Variants in NTRK3 observed in about 807,000 individuals in gnomAD.
The protein encoded by NTRK3 is NT-3 growth factor receptor.
NTRK3 carries 24 observed loss-of-function variants against 91.7 expected under a neutral mutation model. The ratio of observed to expected loss-of-function variants is 0.26; its 90% CI spans 0.19 to 0.37. The LOEUF is 0.37. Among genes scored for constraint, NTRK3 ranks in the 10% least tolerant of loss-of-function variants. The pLI is 1.00. For synonymous variants in NTRK3, 483 were observed against 404.0 expected (o/e 1.20, Z -2.34); for missense variants, 880 against 1,068.9 (o/e 0.82, Z 2.46).
chr15:87,959,500 T>A (rs1291249236), intron 14 of NTRK3, among the ~76,000 whole-genome samples: 1 of 152,226 alleles, frequency 6.6e-6, no homozygotes, highest in East Asian at 1.9e-4. Flanking sequence ...GTGCTAGTTA[T>A]TAAATCAGGG....
At chr15:88,004,067 T>C (rs867712889) in intron 14 of NTRK3, among the ~76,000 whole-genome samples, 2 of 152,184 alleles carry the variant, frequency 1.3e-5, no homozygotes, top group African/African-American at 2.4e-5. Context: ...TTCTGTTTGC[T>C]GTGCCTCTGA....
At chr15:88,231,782 C>A (rs1170285528) in intron 3 of NTRK3, among the ~76,000 whole-genome samples, 21 of 152,154 alleles carry the variant, frequency 1.4e-4, no homozygotes, top group Admixed American at 1.4e-3. Flanking sequence ...ATCCACCTTA[C>A]TATAGAATCA....
rs60213599 is a variant in NTRK3 at position 88,149,206 on chromosome 15, T to C, written c.396-1803A>G. Among the ~76,000 whole-genome samples the C allele has an allele frequency of 6.9e-3, 1,046 of 152,276 alleles. 53 individuals carry two copies. The East Asian group carries it at 0.13, about 20-fold the overall frequency. The stretch of plus-strand genomic sequence containing the variant: ...AAAGGGACATGGCTTTCCCTTCTCA[T>C]TGGACGCAGCCCTCTTTGGTGCAGT... On this transcript the variant is annotated intron_variant, in intron 5 of 18. Coordinates refer to ENST00000394480, the Ensembl canonical transcript of NTRK3.
chr15:88,046,765 T>C (rs2080241575), intron 13 of NTRK3, among the ~76,000 whole-genome samples: 1 of 152,180 alleles, frequency 6.6e-6, no homozygotes, highest in Admixed American at 6.5e-5. Context: ...TCTATTAATC[T>C]CTTGGCTCAC....
chr15:88,035,074 A>T (rs1440209030), intron 13 of NTRK3, among the ~76,000 whole-genome samples: 1 of 152,246 alleles, frequency 6.6e-6, no homozygotes, highest in East Asian at 1.9e-4. Context: ...AAGAGAAAAT[A>T]AGATAGTTCA....
chr15:87,926,436 T>TA (rs1567115059), intron 17 of NTRK3, among the ~76,000 whole-genome samples: 4 of 152,200 alleles, frequency 2.6e-5, no homozygotes, highest in African/African-American at 9.7e-5. Flanking sequence ...ACCAAAAACA[T>TA]ACATTTCGAG....
chr15:87,899,936 G>C (rs368633194), intron 17 of NTRK3, among the ~76,000 whole-genome samples: 76 of 152,266 alleles, frequency 5.0e-4, no homozygotes, highest in African/African-American at 1.8e-3. Context: ...AAGCTTTCTT[G>C]GGAGTTGAAT....
At chr15:87,918,514 T>C (rs1190924064) in intron 17 of NTRK3, among the ~76,000 whole-genome samples, 2 of 152,194 alleles carry the variant, frequency 1.3e-5, no homozygotes, top group African/African-American at 4.8e-5. Context: ...CTGATGGAGA[T>C]ATCTTCCTAA....
intron 17 of NTRK3, among the ~76,000 whole-genome samples, chr15:87,890,952 G>A (rs935434384): frequency 2.6e-5 from 4 of 152,046 alleles, no homozygotes; most frequent in Non-Finnish European, 5.9e-5. Flanking sequence ...TTTCTTAAGA[G>A]AAAAAATATC....
chr15:87,915,844 T>C (rs1344216212), intron 17 of NTRK3, among the ~76,000 whole-genome samples: 2 of 152,118 alleles, frequency 1.3e-5, no homozygotes, highest in Non-Finnish European at 2.9e-5. Flanking sequence ...AGATGAGGAA[T>C]CTAAGTCTTA....
chr15:88,150,914 G>C (rs1470138425), intron 5 of NTRK3, among the ~76,000 whole-genome samples: 1 of 152,084 alleles, frequency 6.6e-6, no homozygotes, highest in Non-Finnish European at 1.5e-5. Flanking sequence ...GGAACTCATT[G>C]CCCCTGATTT....
At position 88,241,422 on chromosome 15, in the gene NTRK3, T is replaced by C. The variant is rs770318792; in HGVS notation, c.248+14484A>G. ...GGGCGCAGGGAAGAGCAACCAATCA[T>C]TTCCAGGGAGACAGAACATGACCCC... On this transcript the variant is annotated intron_variant, in intron 3 of 18. Coordinates refer to ENST00000394480, the Ensembl canonical transcript of NTRK3. The surrounding 1 kb of genome is among the most constrained non-coding windows in gnomAD (Gnocchi z 4.3). 1.3e-5 allele frequency among the ~76,000 whole-genome samples: 2 copies of C among 152,208 alleles called. No homozygotes were observed. Among genetic ancestry groups the C allele is most frequent in the Non-Finnish European group, 2.9e-5 (2 of 67,996 alleles).
chr15:88,256,604 C>T (rs1326035224), intron 1 of NTRK3, 40 bp downstream of exon 1: 3 of 475,092 alleles, frequency 6.3e-6, no homozygotes, highest in Admixed American at 4.1e-5. Context: ...ACACCACGCA[C>T]CTGCAAAACA....
chr15:88,199,913 T>C (rs2048157785), intron 3 of NTRK3, among the ~76,000 whole-genome samples: 1 of 152,080 alleles, frequency 6.6e-6, no homozygotes, highest in South Asian at 2.1e-4. Context: ...AGAAAGGAAG[T>C]GGTGCTGGTG....
chr15:87,959,799 G>A (rs981653646), intron 14 of NTRK3, among the ~76,000 whole-genome samples: 1 of 152,194 alleles, frequency 6.6e-6, no homozygotes, highest in African/African-American at 2.4e-5. Flanking sequence ...TGTAGGCTCT[G>A]TGACTCTCTT....
chr15:88,056,204 T>TATATATATATATATATATATA (rs377120482), intron 13 of NTRK3, among the ~76,000 whole-genome samples: 6 of 95,230 alleles, frequency 6.3e-5, no homozygotes, highest in African/African-American at 2.2e-4. Flanking sequence ...ATATATATAT[T>TATATATATATATATATATATA]TTTTTTTTAA....
rs1221714855 is a variant in NTRK3 at position 88,203,786 on chromosome 15, T to G, written c.249-19487A>C. Reference sequence around the variant, plus strand: ...GATCTTTACACATTATACGAATGTATTAGATTATCACATGTACCCCAAAAT... The same window carrying G: ...GATCTTTACACATTATACGAATGTAGTAGATTATCACATGTACCCCAAAAT... On this transcript the variant is annotated intron_variant, in intron 3 of 18. Transcript: ENST00000394480. Among the ~76,000 whole-genome samples, 13 of 152,352 alleles carry G rather than the reference T, an allele frequency of 8.5e-5. 1 individual carries two copies. In the South Asian group the frequency reaches 2.5e-3, roughly 29 times the overall value.
At chr15:87,924,140 T>G (rs998154781) in intron 17 of NTRK3, among the ~76,000 whole-genome samples, 1 of 152,152 alleles carries the variant, frequency 6.6e-6, no homozygotes, top group African/African-American at 2.4e-5. Context: ...ATAGGGGATG[T>G]TGGCTCCATT....
intron 14 of NTRK3, among the ~76,000 whole-genome samples, chr15:88,009,175 C>CT (rs1185066700): frequency 6.6e-6 from 1 of 152,194 alleles, no homozygotes; most frequent in Non-Finnish European, 1.5e-5. Flanking sequence ...TTTCATATTG[C>CT]TTAAAACTAT....
Sources: gnomAD v4.1 joint callset for allele counts (sites outside exome capture counted in the v4.1 genomes callset) on GRCh38, gnomAD v4.1.1 for gene constraint, Gnocchi (gnomAD v3.1) non-coding constraint, MANE v1.5 for transcripts, NCBI Gene and HGNC (gene_info 2026-07-23, HGNC 2026-07-21) for gene names.